Variants in ASMTL observed in about 807,000 individuals in gnomAD.
ASMTL encodes the protein probable bifunctional dTTP/UTP pyrophosphatase/methyltransferase protein.
In ASMTL, 57 loss-of-function variants were observed where a neutral mutation model predicts 60.3. The ratio of observed to expected loss-of-function variants is 0.95; its 90% CI spans 0.76 to 1.18. The LOEUF is 1.18. Among genes scored for constraint, ASMTL ranks in the 50% most tolerant of loss-of-function variants. The pLI, the probability that ASMTL is intolerant of heterozygous loss-of-function variation, is 0.00. For missense variants in ASMTL, 981 were observed against 852.6 expected, an observed-to-expected ratio of 1.15 and a Z score of -1.88; for synonymous variants, 419 against 373.0, an observed-to-expected ratio of 1.12 and a Z score of -1.42.
chrX:1,428,778 G>A (rs74703897), intron 6 of ASMTL, among the ~76,000 whole-genome samples: 19,538 of 146,542 alleles, frequency 0.13, 1,487 homozygotes, highest in Middle Eastern at 0.22. Context: ...GTGTGTGTGT[G>A]GGGAGAAGAC....
At chrX:1,435,671 T>C in intron 4 of ASMTL, 23 bp downstream of exon 4, 2 of 1,612,958 alleles carry the variant, frequency 1.2e-6, no homozygotes, top group Non-Finnish European at 1.7e-6. Flanking sequence ...CCGAGAGGGC[T>C]CAGAGGCCAA....
Position 1,433,003 on chromosome X carries a change from C to G in ASMTL, c.401-626G>C, listed in dbSNP as rs368228659. Among the ~76,000 whole-genome samples, 6 of 152,296 alleles carry G rather than the reference C, an allele frequency of 3.9e-5. No homozygotes were observed. The East Asian group carries it at 7.7e-4, about 20-fold the overall frequency. ...ATCCCAGCTACTCGGGAGGCTGAGG[C>G]AGGAGAATCGCTTGAACCCGGGAGG... On this transcript the variant is annotated intron_variant, in intron 5 of 12. Transcript: ENST00000381317.
chrX:1,435,909 G>A (rs2090952861), intron 3 of ASMTL, 151 bp from the exon 4 acceptor site: 10 of 714,420 alleles, frequency 1.4e-5, no homozygotes, highest in Middle Eastern at 7.4e-4. Context: ...AACCAGAGTT[G>A]CCATGTTGTA....
At chrX:1,432,570 C>T (rs1315019869) in intron 5 of ASMTL, among the ~76,000 whole-genome samples, 193 bp from the exon 6 acceptor site, 1 of 152,250 alleles carries the variant, frequency 6.6e-6, no homozygotes, top group Non-Finnish European at 1.5e-5. Context: ...TGGCTCACGC[C>T]TGTCATCCCA....
intron 6 of ASMTL, among the ~76,000 whole-genome samples, chrX:1,428,507 T>A (rs2090677010): frequency 6.6e-6 from 1 of 151,346 alleles, no homozygotes; most frequent in African/African-American, 2.4e-5. Context: ...CCGGGTGTGG[T>A]GTGGTGGCAC....
intron 1 of ASMTL, among the ~76,000 whole-genome samples, chrX:1,443,348 ACAC>A (rs2091157314): frequency 2.2e-5 from 1 of 46,232 alleles, no homozygotes; most frequent in African/African-American, 4.2e-5. Context: ...TCTTGGACAG[ACAC>A]CGCCATCTTG....
At chrX:1,406,372 G>C (rs1415591460) in intron 12 of ASMTL, among the ~76,000 whole-genome samples, 3 of 150,918 alleles carry the variant, frequency 2.0e-5, no homozygotes. Context: ...GTGAATAGAT[G>C]GTAGATGATG....
intron 12 of ASMTL, among the ~76,000 whole-genome samples, chrX:1,410,792 A>T (rs190724837): frequency 6.6e-6 from 1 of 151,930 alleles, no homozygotes; most frequent in Non-Finnish European, 1.5e-5. Context: ...CGGGAGGCTG[A>T]GGTGGGAGGA....
chrX:1,423,307 C>G (rs2149305588), intron 8 of ASMTL, among the ~76,000 whole-genome samples: 1 of 152,076 alleles, frequency 6.6e-6, no homozygotes, highest in East Asian at 1.9e-4. Context: ...GTTCTGGCTT[C>G]TATGTTCCAG....
chrX:1,433,498 T>C (rs2090868573), intron 5 of ASMTL, among the ~76,000 whole-genome samples: 2 of 68,714 alleles, frequency 2.9e-5, no homozygotes, highest in East Asian at 5.9e-4. Context: ...ACCCCGTCTC[T>C]ACTAAAAAAA....
chrX:1,406,649 G>A (rs1305701964), intron 12 of ASMTL, among the ~76,000 whole-genome samples: 4 of 151,450 alleles, frequency 2.6e-5, no homozygotes, highest in African/African-American at 9.7e-5. Context: ...GGATGGATGG[G>A]TGAATAGATA....
At chrX:1,453,340 C>G (rs1370382405), upstream of ASMTL, among the ~76,000 whole-genome samples, 1 of 151,774 alleles carries the variant, frequency 6.6e-6, no homozygotes, top group African/African-American at 2.4e-5. Flanking sequence ...AGGCCACACC[C>G]CCGCCCGCCT....
chrX:1,430,627 C>G (rs780006603), intron 6 of ASMTL, among the ~76,000 whole-genome samples: 2 of 151,548 alleles, frequency 1.3e-5, no homozygotes, highest in Non-Finnish European at 2.9e-5. Context: ...AAAAAATTAG[C>G]CAGGCGTGGT....
rs764474603 is a variant in ASMTL, at chrX:1,441,810, G to T, written c.225+376C>A. 3 of 192,502 alleles carry T rather than the reference G, an allele frequency of 1.6e-5. No homozygotes were observed. The South Asian group carries it at 4.1e-4, about 26-fold the overall frequency. 11.9% of individuals were successfully genotyped at this position (192,502 alleles called of 1,614,324 possible). On this transcript the variant is annotated intron_variant, in intron 2 of 12. Transcript: ENST00000381317. ...GATACTATGATATCAATTGCAAGAG[G>T]ATATTATAACACATAGTAATAGATA...
chrX:1,443,644 C>T (rs74536923), intron 1 of ASMTL, among the ~76,000 whole-genome samples: 22 of 890 alleles, frequency 0.025, no homozygotes, highest in South Asian at 0.083. Context: ...GGACAGACAC[C>T]GCCATCATGG....
intron 6 of ASMTL, chrX:1,432,003 G>A: frequency 1.8e-6 from 1 of 544,508 alleles, no homozygotes; most frequent in South Asian, 2.2e-5. Flanking sequence ...CTCTACCCCT[G>A]CCCAGCGCCT....
At chrX:1,452,985 C>T, upstream of ASMTL, 1 of 617,950 alleles carries the variant, frequency 1.6e-6, no homozygotes, top group South Asian at 2.1e-5. Flanking sequence ...CACGCCCAGT[C>T]CGCGCCTTCA....
intron 5 of ASMTL, 32 bp from the exon 6 acceptor site, chrX:1,432,409 G>T (rs781612672): frequency 3.2e-6 from 5 of 1,569,550 alleles, no homozygotes; most frequent in Non-Finnish European, 4.4e-6. Flanking sequence ...GGTGAGCGTG[G>T]ACGCCAGCTT....
chrX:1,446,762 C>G (rs1286692343), intron 1 of ASMTL, among the ~76,000 whole-genome samples: 4 of 152,084 alleles, frequency 2.6e-5, no homozygotes, highest in South Asian at 2.1e-4. Context: ...GCCTCCCAAA[C>G]TGCTGGGATT....
Sources: gnomAD v4.1 joint callset for allele counts (sites outside exome capture counted in the v4.1 genomes callset) on GRCh38, gnomAD v4.1.1 for gene constraint, MANE v1.5 for transcripts, NCBI Gene and HGNC (gene_info 2026-07-23, HGNC 2026-07-21) for gene names.